GALNTL6: variants seen among roughly 807,000 people sequenced by gnomAD.
GALNTL6 encodes the protein polypeptide N-acetylgalactosaminyltransferase-like 6.
A neutral mutation model predicts 73.7 loss-of-function variants in GALNTL6; 46 were observed. That is an observed-to-expected ratio of 0.62 (90% confidence interval 0.49 to 0.80). The LOEUF is 0.80. GALNTL6 is among the 30% of genes least tolerant of loss of function. The pLI is 0.00. For missense variants in GALNTL6, 604 were observed against 755.0 expected, an observed-to-expected ratio of 0.80 and a Z score of 2.34; for synonymous variants, 259 against 263.7, an observed-to-expected ratio of 0.98 and a Z score of 0.17.
chr4:172,244,828 A>G (rs1737566068), intron 3 of GALNTL6, among the ~76,000 whole-genome samples: 1 of 152,208 alleles, frequency 6.6e-6, no homozygotes, highest in African/African-American at 2.4e-5. Flanking sequence ...TACAAGAGAA[A>G]CATTTTGGGA....
At chr4:172,908,479 TAGAA>T (rs1200597779) in intron 8 of GALNTL6, among the ~76,000 whole-genome samples, 1 of 151,854 alleles carries the variant, frequency 6.6e-6, no homozygotes, top group Non-Finnish European at 1.5e-5. Context: ...ATATAAAAAT[TAGAA>T]AGCAGGGGGG....
At position 172,069,646 on chromosome 4, in the gene GALNTL6, T is replaced by TATATAAC. The variant is rs1731496025; in HGVS notation, c.139-160009_139-160008insTATAACA. Among the ~76,000 whole-genome samples the TATATAAC allele has an allele frequency of 3.1e-5, 2 of 64,888 alleles. 1 individual carries two copies. Among genetic ancestry groups the TATATAAC allele is most frequent in the Non-Finnish European group, 6.7e-5 (2 of 29,754 alleles). The allele number at this position is 64,888 out of a possible 152,430, so 42.6% of individuals were successfully genotyped here. ...TATATATATATCCTAAATTTCCTCATACATAGTATCTGACAACATATGTGT... is the reference window on the plus strand; with the variant it reads ...TATATATATATCCTAAATTTCCTCATATATAACACATAGTATCTGACAACATATGTGT... On this transcript the variant is annotated intron_variant, in intron 2 of 12. Transcript: ENST00000506823.
chr4:172,923,965 T>C (rs1747918100), intron 8 of GALNTL6, among the ~76,000 whole-genome samples: 2 of 151,978 alleles, frequency 1.3e-5, no homozygotes, highest in African/African-American at 2.4e-5. Context: ...CAAGATGAGA[T>C]TTTTGTGGGG....
chr4:172,772,431 C>T (rs1257372050), intron 5 of GALNTL6, among the ~76,000 whole-genome samples: 1 of 152,076 alleles, frequency 6.6e-6, no homozygotes, highest in Non-Finnish European at 1.5e-5. Flanking sequence ...AGATCTAATT[C>T]TTATGATACA....
chr4:172,338,277 G>A (rs1022337484), intron 4 of GALNTL6, among the ~76,000 whole-genome samples: 2 of 151,802 alleles, frequency 1.3e-5, no homozygotes, highest in Non-Finnish European at 2.9e-5. Context: ...ATTTTGGTTA[G>A]GGAATATTGC....
At chr4:171,986,762 G>T (rs947018250) in intron 2 of GALNTL6, among the ~76,000 whole-genome samples, 5 of 152,054 alleles carry the variant, frequency 3.3e-5, no homozygotes, top group African/African-American at 1.2e-4. Flanking sequence ...GTAAGAGAAG[G>T]AGAAAAACAG....
At chr4:172,905,024 A>G (rs969076795) in intron 8 of GALNTL6, among the ~76,000 whole-genome samples, 1 of 152,188 alleles carries the variant, frequency 6.6e-6, no homozygotes, top group Non-Finnish European at 1.5e-5. Context: ...TTGTATCCCT[A>G]AGTTCAGGCC....
intron 5 of GALNTL6, among the ~76,000 whole-genome samples, chr4:172,558,488 T>C (rs1420849903): frequency 1.3e-5 from 2 of 152,136 alleles, no homozygotes; most frequent in Non-Finnish European, 2.9e-5. Flanking sequence ...ACAGCAGGGA[T>C]GTGTGTGCAC....
chr4:172,926,221 C>G (rs139621957), intron 8 of GALNTL6, among the ~76,000 whole-genome samples: 212 of 152,268 alleles, frequency 1.4e-3, no homozygotes, highest in African/African-American at 4.8e-3. Flanking sequence ...GTCTCTTTTA[C>G]TAGTTCACTA....
At chr4:171,971,552 TA>T (rs1476385772) in intron 2 of GALNTL6, among the ~76,000 whole-genome samples, 1 of 152,166 alleles carries the variant, frequency 6.6e-6, no homozygotes, top group East Asian at 1.9e-4. Flanking sequence ...GCTTACCTAT[TA>T]CCAAGTGAAG....
chr4:171,934,807 T>G (rs773780913), intron 2 of GALNTL6, among the ~76,000 whole-genome samples: 5 of 152,192 alleles, frequency 3.3e-5, no homozygotes, highest in Non-Finnish European at 7.3e-5. Flanking sequence ...TCTGTTAATG[T>G]TTTTCTTCCT....
intron 5 of GALNTL6, among the ~76,000 whole-genome samples, chr4:172,437,051 C>G (rs937560697): frequency 1.4e-4 from 22 of 152,198 alleles, no homozygotes; most frequent in South Asian, 2.1e-4. Context: ...TGTGAGGCCA[C>G]CACACAAATC....
rs4048503 is a variant in GALNTL6, at chr4:172,341,450, CAAAA to C, written c.387-7049_387-7046del. Among the ~76,000 whole-genome samples, 831 of 117,954 alleles carry C rather than the reference CAAAA, an allele frequency of 7.0e-3. 14 individuals are homozygous for C. Among genetic ancestry groups the C allele is most frequent in the African/African-American group, 0.027 (694 of 25,278 alleles). 77.4% of individuals were successfully genotyped at this position (117,954 alleles called of 152,430 possible). A position where few individuals can be genotyped will look rare whatever the true frequency, so the allele number is the denominator to read the frequency against. ...TGGGCGACAGAGCGAGACTCCGTCT[CAAAA>C]AAAAAAAAAAAAAAAAAAAAAAATG... On this transcript the variant is annotated intron_variant, in intron 4 of 12. Transcript: ENST00000506823.
intron 11 of GALNTL6, among the ~76,000 whole-genome samples, chr4:173,021,069 T>A (rs781584839): frequency 4.0e-5 from 6 of 149,856 alleles, no homozygotes; most frequent in Non-Finnish European, 5.9e-5. Context: ...TGAGACTCTG[T>A]CTGAAAACAA....
rs1579107679 is a variant in GALNTL6 at position 172,069,584 on chromosome 4, T to TATGTGTGTTATATATATA, written c.139-160070_139-160069insGTGTGTTATATATATAAT. Among the ~76,000 whole-genome samples the TATGTGTGTTATATATATA allele has an allele frequency of 1.0e-3, 14 of 13,774 alleles. 4 individuals carry two copies. Among genetic ancestry groups the TATGTGTGTTATATATATA allele is most frequent in the Non-Finnish European group, 4.2e-3 (10 of 2,354 alleles). The allele number at this position is 13,774 out of a possible 152,430, so 9.0% of individuals were successfully genotyped here. On this transcript the variant is annotated intron_variant, in intron 2 of 12. Coordinates refer to ENST00000506823, the MANE Select transcript of GALNTL6 (RefSeq NM_001034845.3). ...TATATAACACATATATGTTATATAT[T>TATGTGTGTTATATATATA]ATATATATAACACATATATGTTATA...
chr4:171,921,418 G>T (rs1357374048), intron 2 of GALNTL6, among the ~76,000 whole-genome samples: 1 of 152,028 alleles, frequency 6.6e-6, no homozygotes, highest in Non-Finnish European at 1.5e-5. Flanking sequence ...TAGATAGAGG[G>T]ATGGAAGAGA....
intron 2 of GALNTL6, among the ~76,000 whole-genome samples, chr4:171,863,691 A>C (rs1374976276): frequency 6.6e-6 from 1 of 152,176 alleles, no homozygotes; most frequent in Non-Finnish European, 1.5e-5. Flanking sequence ...TAAGTCCTCC[A>C]GAGTGAAAAC....
At chr4:171,824,243 A>T (rs979223080) in intron 2 of GALNTL6, among the ~76,000 whole-genome samples, 1 of 151,796 alleles carries the variant, frequency 6.6e-6, no homozygotes, top group African/African-American at 2.4e-5. Context: ...CTGCATCGGA[A>T]ATATCCTAGG....
At chr4:172,317,888 G>GA (rs1182853113) in intron 4 of GALNTL6, among the ~76,000 whole-genome samples, 22 of 152,116 alleles carry the variant, frequency 1.4e-4, no homozygotes. Context: ...GTTTACAAGT[G>GA]AATTCAGAAG....
Sources: gnomAD v4.1 joint callset for allele counts (sites outside exome capture counted in the v4.1 genomes callset) on GRCh38, gnomAD v4.1.1 for gene constraint, MANE v1.5 for transcripts, NCBI Gene and HGNC (gene_info 2026-07-23, HGNC 2026-07-21) for gene names.